BTC: variants seen among roughly 807,000 people sequenced by gnomAD.
The protein encoded by BTC is probetacellulin.
Under a neutral mutation model 18.1 loss-of-function variants are expected in BTC, and 13 were observed. That is an observed-to-expected ratio of 0.72 (90% CI 0.47 to 1.14). The LOEUF (loss-of-function observed/expected upper bound fraction) is 1.14. BTC is among the 50% of genes most tolerant of loss of function. The probability of loss-of-function intolerance (pLI) is 0.00; values close to 1 mark genes in which losing one functional copy is unlikely to be tolerated. For synonymous variants in BTC, 83 were observed against 79.4 expected, an observed-to-expected ratio of 1.05 and a Z score of -0.24; for missense variants, 247 against 224.2, an observed-to-expected ratio of 1.10 and a Z score of -0.65.
chr4:74,770,400 C>T (rs1426116516), intron 1 of BTC, among the ~76,000 whole-genome samples: 1 of 152,140 alleles, frequency 6.6e-6, no homozygotes. Context: ...AAGGAGGAAA[C>T]TTGGTCATAG....
chr4:74,785,753 T>A (rs1231148116), intron 1 of BTC, among the ~76,000 whole-genome samples: 1 of 152,182 alleles, frequency 6.6e-6, no homozygotes. Context: ...CTGTGGTAAA[T>A]TTATCAGGAC....
intron 3 of BTC, among the ~76,000 whole-genome samples, 181 bp downstream of exon 3, chr4:74,755,678 T>C (rs1384346320): frequency 6.6e-6 from 1 of 152,204 alleles, no homozygotes; most frequent in African/African-American, 2.4e-5. Context: ...GAGGAAAGTG[T>C]GCGTCAGTTT....
intron 1 of BTC, among the ~76,000 whole-genome samples, chr4:74,791,638 C>G (rs894441895): frequency 2.6e-5 from 4 of 152,008 alleles, no homozygotes; most frequent in Non-Finnish European, 4.4e-5. Context: ...TAAAATTTCT[C>G]AAAGAAAGTA....
intron 1 of BTC, among the ~76,000 whole-genome samples, chr4:74,793,335 C>G (rs902753630): frequency 3.9e-5 from 6 of 152,174 alleles, no homozygotes; most frequent in Non-Finnish European, 8.8e-5. Flanking sequence ...GGCTCCCCCT[C>G]TCTTTCCTCA....
At chr4:74,791,969 T>A (rs371748445) in intron 1 of BTC, among the ~76,000 whole-genome samples, 20 of 134,246 alleles carry the variant, frequency 1.5e-4, no homozygotes, top group Admixed American at 4.4e-4. Context: ...TTCCACCATC[T>A]CACACACACA....
At chr4:74,757,389 C>T (rs1353847484) in intron 2 of BTC, among the ~76,000 whole-genome samples, 1 of 152,118 alleles carries the variant, frequency 6.6e-6, no homozygotes, top group Non-Finnish European at 1.5e-5. Context: ...TGATTGGTGA[C>T]TTGATAACCA....
Position 74,794,400 on chromosome 4 carries a change from C to T in BTC, c.-75G>A. 1 of 1,415,414 alleles carries T rather than the reference C, an allele frequency of 7.1e-7. No homozygotes were observed. The allele number at this position is 1,415,414 out of a possible 1,614,324, so 87.7% of individuals were successfully genotyped here. ...CTTCGCCCCCTTCCCGGGCCTCGGG[C>T]GCCTGAGAGGGTGCCTGGAAACTAA... is the stretch of plus-strand genomic sequence containing the variant. On this transcript the variant is annotated 5_prime_UTR_variant, in exon 1 of 6. Coordinates refer to ENST00000395743, the MANE Select transcript of BTC (RefSeq NM_001729.4).
chr4:74,753,164 G>T (rs1489101725), intron 3 of BTC, among the ~76,000 whole-genome samples: 3 of 152,122 alleles, frequency 2.0e-5, no homozygotes, highest in Non-Finnish European at 4.4e-5. Context: ...TATTTAATAA[G>T]CATCTTATAC....
At chr4:74,768,735 T>G (rs1175112937) in intron 2 of BTC, among the ~76,000 whole-genome samples, 1 of 152,196 alleles carries the variant, frequency 6.6e-6, no homozygotes, top group Non-Finnish European at 1.5e-5. Flanking sequence ...GATTTCATGT[T>G]AAATGTTCTT....
At chr4:74,755,506 A>C (rs1437732959) in intron 3 of BTC, among the ~76,000 whole-genome samples, 1 of 152,230 alleles carries the variant, frequency 6.6e-6, no homozygotes, top group Non-Finnish European at 1.5e-5. Context: ...TCGTATTTAC[A>C]CTAACTATAA....
chr4:74,763,818 A>G (rs1724828478), intron 2 of BTC, among the ~76,000 whole-genome samples: 1 of 152,140 alleles, frequency 6.6e-6, no homozygotes, highest in African/African-American at 2.4e-5. Flanking sequence ...ACAATAATTT[A>G]CTGCATGTTT....
Position 74,794,397 on chromosome 4 carries a change from G to C in BTC, c.-72C>G. The C allele has an allele frequency of 1.1e-5, 15 of 1,426,752 alleles. No homozygotes were observed. The highest frequency in any genetic ancestry group is 1.4e-5 in the Non-Finnish European group (15 of 1,086,020). The allele number at this position is 1,426,752 out of a possible 1,614,324, so 88.4% of individuals were successfully genotyped here. ...CTTCTTCGCCCCCTTCCCGGGCCTC[G>C]GGCGCCTGAGAGGGTGCCTGGAAAC... On this transcript the variant is annotated 5_prime_UTR_variant, in exon 1 of 6. Transcript: ENST00000395743.
intron 1 of BTC, among the ~76,000 whole-genome samples, chr4:74,783,404 G>T (rs1245432174): frequency 6.6e-6 from 1 of 151,952 alleles, no homozygotes; most frequent in Non-Finnish European, 1.5e-5. Context: ...AGGATCAGAT[G>T]GTTGTATCTG....
chr4:74,786,724 G>C (rs1479228098), intron 1 of BTC, among the ~76,000 whole-genome samples: 1 of 152,042 alleles, frequency 6.6e-6, no homozygotes, highest in African/African-American at 2.4e-5. Context: ...CCCCAACTTA[G>C]ACACTTATTT....
Position 74,750,682 on chromosome 4 carries a change from C to G in BTC, c.319G>C (p.Val107Leu), listed in dbSNP as rs1166990367. ...TCTCCTCTTAGGTAAAACAAGTCAA[C>G]TCTCTCACACCTTGCTCCAATGTAG... Reference protein sequence around the residue: ...EGYIGARCERVDLFYLRGDRG... With the variant: ...EGYIGARCERLDLFYLRGDRG... Residue 107 changes from valine to leucine, a missense_variant, in exon 4 of 6, where the codon GTT (valine) becomes CTT (leucine). Transcript: ENST00000395743. 15 of 1,613,788 alleles carry G rather than the reference C, an allele frequency of 9.3e-6. No individual in the cohort carries two copies. The highest frequency in any genetic ancestry group is 1.2e-5 in the Non-Finnish European group (14 of 1,179,944).
At position 74,773,221 on chromosome 4, in the gene BTC, A is replaced by C. The variant is rs568792904; in HGVS notation, c.65-3065T>G. On this transcript the variant is annotated intron_variant, in intron 1 of 5. Transcript: ENST00000395743. ...TATTAAACCTGAGTTTTCTTCTTCC[A>C]TTGAAATAGTGGAAGGTCTCGCAAG... 4.6e-5 allele frequency among the ~76,000 whole-genome samples: 7 copies of C among 152,280 alleles called. No homozygotes were observed. The East Asian group carries it at 1.4e-3, about 29-fold the overall frequency.
At chr4:74,757,794 G>A (rs1412386172) in intron 2 of BTC, among the ~76,000 whole-genome samples, 1 of 152,198 alleles carries the variant, frequency 6.6e-6, no homozygotes, top group Non-Finnish European at 1.5e-5. Flanking sequence ...TTTTAGCTAT[G>A]CCTTTCACTA....
intron 4 of BTC, among the ~76,000 whole-genome samples, chr4:74,748,535 CA>C (rs113469286): frequency 1.4e-3 from 198 of 138,576 alleles, no homozygotes; most frequent in African/African-American, 4.0e-3. Flanking sequence ...GACTCCGTCA[CA>C]AAAAAAAAAA....
chr4:74,792,597 T>C (rs1273931114), intron 1 of BTC, among the ~76,000 whole-genome samples: 2 of 152,216 alleles, frequency 1.3e-5, no homozygotes, highest in African/African-American at 4.8e-5. Context: ...TTATTGATTC[T>C]GTTCCAAATA....
Sources: allele counts gnomAD v4.1 joint callset (sites outside exome capture counted in the v4.1 genomes callset), GRCh38; gene constraint gnomAD v4.1.1; transcripts MANE v1.5; gene names NCBI Gene and HGNC (gene_info 2026-07-23, HGNC 2026-07-21).